PRKAR2B: variants seen among roughly 807,000 people sequenced by gnomAD.
PRKAR2B encodes cAMP-dependent protein kinase type II-beta regulatory subunit.
In PRKAR2B, 14 loss-of-function variants were observed where a neutral mutation model predicts 49.9. That is an observed-to-expected ratio of 0.28 (90% CI 0.19 to 0.44). The LOEUF is 0.44. Ranked by LOEUF, PRKAR2B falls within the 20% of genes least tolerant of loss-of-function variation. The probability of loss-of-function intolerance (pLI) is 1.00; values close to 1 mark genes in which losing one functional copy is unlikely to be tolerated. For missense variants in PRKAR2B, 393 were observed against 537.9 expected (o/e 0.73, Z 2.67); for synonymous variants, 196 against 197.7 (o/e 0.99, Z 0.07).
rs112714493 is a variant in PRKAR2B, at chr7:107,125,622, G to A, written c.397-2590G>A. On this transcript the variant is annotated intron_variant, in intron 3 of 10. Transcript: ENST00000265717. Reference sequence around the variant, plus strand: ...AGCTGGAGTGTCAGAGACCACACCCGCTTTCTGGCTGTTTACTTTCCCCAG... The same window carrying A: ...AGCTGGAGTGTCAGAGACCACACCCACTTTCTGGCTGTTTACTTTCCCCAG... Among the ~76,000 whole-genome samples the A allele has an allele frequency of 9.6e-3, 1,455 of 152,236 alleles. 15 individuals carry two copies. Among genetic ancestry groups the A allele is most frequent in the African/African-American group, 0.033 (1,355 of 41,548 alleles).
chr7:107,107,060 G>T (rs1336686088), intron 2 of PRKAR2B, among the ~76,000 whole-genome samples: 1 of 152,172 alleles, frequency 6.6e-6, no homozygotes, highest in East Asian at 1.9e-4. Flanking sequence ...TTTTAGGTTG[G>T]GTGCGGTGGC....
intron 1 of PRKAR2B, among the ~76,000 whole-genome samples, chr7:107,059,314 A>ATG (rs1793980570): frequency 6.6e-6 from 1 of 152,016 alleles, no homozygotes; most frequent in Admixed American, 6.6e-5. Context: ...AATATACCAC[A>ATG]TGTGCAGTAG....
chr7:107,134,059 C>T (rs1795652401), intron 4 of PRKAR2B, among the ~76,000 whole-genome samples: 3 of 151,890 alleles, frequency 2.0e-5, no homozygotes, highest in Non-Finnish European at 4.4e-5. Context: ...TTGAGAGTCT[C>T]GCTCTGTTGC....
chr7:107,060,769 A>G (rs1794013333), intron 1 of PRKAR2B, among the ~76,000 whole-genome samples: 2 of 151,962 alleles, frequency 1.3e-5, no homozygotes, highest in Admixed American at 1.3e-4. Context: ...TTTAATTTTA[A>G]TGTAGGCTAA....
chr7:107,155,873 T>G (rs1385749259), intron 8 of PRKAR2B, among the ~76,000 whole-genome samples: 3 of 152,138 alleles, frequency 2.0e-5, no homozygotes, highest in Non-Finnish European at 4.4e-5. Context: ...CCATCAGTGA[T>G]AGACTGGATA....
intron 8 of PRKAR2B, among the ~76,000 whole-genome samples, chr7:107,156,405 TC>T (rs1221222611): frequency 1.3e-5 from 2 of 152,058 alleles, no homozygotes; most frequent in Non-Finnish European, 2.9e-5. Context: ...ACCACTGCAC[TC>T]CAGCCTGGGT....
At chr7:107,092,266 T>TGC (rs886826126) in intron 2 of PRKAR2B, among the ~76,000 whole-genome samples, 7 of 149,206 alleles carry the variant, frequency 4.7e-5, no homozygotes, top group Non-Finnish European at 7.5e-5. Context: ...TGTGTGTGTG[T>TGC]GTGCGTGTGT....
chr7:107,159,312 T>C, intron 10 of PRKAR2B, 137 bp from the exon 11 acceptor site: 4 of 945,804 alleles, frequency 4.2e-6, no homozygotes, highest in Non-Finnish European at 6.1e-6. Context: ...ATCATTATGC[T>C]TTTTCTTGTA....
chr7:107,151,151 T>G (rs991470198), intron 7 of PRKAR2B, 128 bp downstream of exon 7: 1 of 525,682 alleles, frequency 1.9e-6, no homozygotes, highest in African/African-American at 2.0e-5. Flanking sequence ...TTGAAAAGAT[T>G]AAATGGTAGT....
Position 107,156,584 on chromosome 7 carries a change from TC to T in PRKAR2B, c.919-399del, listed in dbSNP as rs1249418281. On this transcript the variant is annotated intron_variant, in intron 8 of 10. Transcript: ENST00000265717. The stretch of plus-strand genomic sequence containing the variant: ...ACTTTGGGAGGCCGACGCAGGCAGA[TC>T]TCGAGGTCAGGAGATCAAGACCATC... 8.5e-5 allele frequency among the ~76,000 whole-genome samples: 13 copies of T among 152,200 alleles called. No individual in the cohort carries two copies. In the South Asian group the frequency reaches 2.7e-3, roughly 32 times the overall value.
chr7:107,137,771 G>A (rs779046471), intron 4 of PRKAR2B, among the ~76,000 whole-genome samples: 2 of 152,046 alleles, frequency 1.3e-5, no homozygotes, highest in African/African-American at 4.8e-5. Flanking sequence ...ATCTCATTTC[G>A]ATTTTAATTT....
chr7:107,060,241 G>A (rs546193672), intron 1 of PRKAR2B, among the ~76,000 whole-genome samples: 2 of 152,236 alleles, frequency 1.3e-5, no homozygotes, highest in South Asian at 2.1e-4. Flanking sequence ...CTGCTATAGG[G>A]TATGTACCTA....
rs201365911 is a variant in PRKAR2B, at chr7:107,110,071, C to T, written c.344-11881C>T. Among the ~76,000 whole-genome samples the T allele has an allele frequency of 1.8e-4, 27 of 152,216 alleles. No individual in the cohort carries two copies. In the East Asian group the frequency reaches 2.1e-3, roughly 12 times the overall value. On this transcript the variant is annotated intron_variant, in intron 2 of 10. Coordinates refer to ENST00000265717, the MANE Select transcript of PRKAR2B (RefSeq NM_002736.3). ...CCCTCCACCATCCTCCAGCAGTGGCCGCATGGTGCAGAGAGATAATCCATG... is the reference window on the plus strand; with the variant it reads ...CCCTCCACCATCCTCCAGCAGTGGCTGCATGGTGCAGAGAGATAATCCATG...
intron 1 of PRKAR2B, among the ~76,000 whole-genome samples, chr7:107,065,011 A>G (rs1475761598): frequency 1.3e-5 from 2 of 152,226 alleles, no homozygotes; most frequent in African/African-American, 4.8e-5. Flanking sequence ...AAGCACAGGC[A>G]TAAGAGAAAT....
intron 2 of PRKAR2B, among the ~76,000 whole-genome samples, chr7:107,074,176 C>T (rs1438903704): frequency 6.6e-6 from 1 of 152,072 alleles, no homozygotes; most frequent in African/African-American, 2.4e-5. Context: ...AGTGCAGTGG[C>T]ACGATCTTGG....
chr7:107,139,471 AG>A (rs1194848427), intron 4 of PRKAR2B, among the ~76,000 whole-genome samples: 1 of 152,212 alleles, frequency 6.6e-6, no homozygotes, highest in East Asian at 1.9e-4. Context: ...GGGATTTTGA[AG>A]GAAGGTGTCA....
intron 2 of PRKAR2B, among the ~76,000 whole-genome samples, chr7:107,116,805 G>T (rs1418487902): frequency 2.0e-5 from 3 of 151,304 alleles, no homozygotes; most frequent in Non-Finnish European, 4.4e-5. Context: ...GAATGAACAG[G>T]GGCGGGGGAA....
chr7:107,046,659 T>G (rs1793701597), intron 1 of PRKAR2B, among the ~76,000 whole-genome samples: 1 of 152,112 alleles, frequency 6.6e-6, no homozygotes, highest in Non-Finnish European at 1.5e-5. Context: ...GAGAAAAGAA[T>G]GCATGTTTTA....
chr7:107,130,150 G>A (rs563394978), intron 4 of PRKAR2B, among the ~76,000 whole-genome samples: 2 of 152,220 alleles, frequency 1.3e-5, no homozygotes, highest in African/African-American at 4.8e-5. Flanking sequence ...AATAGTTTTG[G>A]ATAGATTTGT....
Sources: allele counts gnomAD v4.1 joint callset (sites outside exome capture counted in the v4.1 genomes callset), GRCh38; gene constraint gnomAD v4.1.1; transcripts MANE v1.5; gene names NCBI Gene and HGNC (gene_info 2026-07-23, HGNC 2026-07-21).